MGST1: variants seen among roughly 807,000 people sequenced by gnomAD.
MGST1 encodes glutathione S-transferase 12.
MGST1 carries 5 observed loss-of-function variants against 8.9 expected under a neutral mutation model. The observed-to-expected ratio is 0.56, with a 90% CI of 0.29 to 1.19. The LOEUF (loss-of-function observed/expected upper bound fraction) is 1.19. Ranked by LOEUF, MGST1 falls within the 50% of genes most tolerant of loss-of-function variation. MGST1 has a pLI of 0.08. For synonymous variants in MGST1, 54 were observed against 67.8 expected, an observed-to-expected ratio of 0.80 and a Z score of 1.00; for missense variants, 182 against 187.4, an observed-to-expected ratio of 0.97 and a Z score of 0.17.
chr12:16,514,828 C>T (rs1941601503), intron 4 of MGST1, among the ~76,000 whole-genome samples: 1 of 152,196 alleles, frequency 6.6e-6, no homozygotes, highest in African/African-American at 2.4e-5. Context: ...CAGAAAAGAA[C>T]ATGTAGTGAC....
chr12:16,589,613 C>G (rs531656302), downstream of MGST1: 1 of 152,122 alleles, frequency 6.6e-6, no homozygotes, highest in Admixed American at 6.6e-5. This position sits in a 1 kb window ranked among gnomAD's most constrained non-coding sequence, Gnocchi z 4.2. Context: ...ATTATAAAGA[C>G]AGTGGTTTGT....
In MGST1 at chr12:16,503,773, C is replaced by T. The variant is rs768316832; in HGVS notation, n.483-85755C>T. Among the ~76,000 whole-genome samples, 28 of 152,252 alleles carry T rather than the reference C, an allele frequency of 1.8e-4. No homozygotes were observed. The highest frequency in any genetic ancestry group is 5.8e-4 in the African/African-American group (24 of 41,534). On this transcript the variant is annotated intron_variant and non_coding_transcript_variant, in intron 4 of 4. Coordinates refer to the MGST1 transcript ENST00000538857. This position sits in a 1 kb window ranked among gnomAD's most constrained non-coding sequence, Gnocchi z 4.8. ...ACCCCTTTCCATGACAATGACCCAA[C>T]GACCTGGAAGTTACCACCCTTTTTC...
intron 4 of MGST1, among the ~76,000 whole-genome samples, chr12:16,489,984 T>C (rs1941428340): frequency 6.6e-6 from 1 of 152,112 alleles, no homozygotes; most frequent in Non-Finnish European, 1.5e-5. Context: ...AACTTTAGGC[T>C]GGGTGTGGTG....
chr12:16,372,458 C>T (rs1262563980), intron 3 of MGST1, among the ~76,000 whole-genome samples: 8 of 151,978 alleles, frequency 5.3e-5, no homozygotes, highest in Non-Finnish European at 7.4e-5. Context: ...CAGGAAAATA[C>T]AAATCAAAAC....
In MGST1 at chr12:16,560,327, G is replaced by A. The variant is rs1942354749; in HGVS notation, n.483-29201G>A. Reference sequence around the variant, plus strand: ...AACGCTGAGATTGATTGCTTTAAATGTATGAATATAATTTCCACCTATTAA... The same window carrying A: ...AACGCTGAGATTGATTGCTTTAAATATATGAATATAATTTCCACCTATTAA... On this transcript the variant is annotated intron_variant and non_coding_transcript_variant, in intron 4 of 4. Coordinates refer to the MGST1 transcript ENST00000538857. This position sits in a 1 kb window ranked among gnomAD's most constrained non-coding sequence, Gnocchi z 5.0. The A allele has an allele frequency of 6.4e-6, 9 of 1,398,276 alleles. No individual in the cohort carries two copies. Among genetic ancestry groups the A allele is most frequent in the South Asian group, 4.2e-5 (3 of 71,378 alleles). 86.6% of individuals were successfully genotyped at this position (1,398,276 alleles called of 1,614,324 possible).
downstream of MGST1, among the ~76,000 whole-genome samples, chr12:16,378,875 T>C (rs1940420829): frequency 6.6e-6 from 1 of 152,024 alleles, no homozygotes; most frequent in African/African-American, 2.4e-5. Flanking sequence ...CCCTTGTAAG[T>C]TGGATTCCTA....
At chr12:16,563,219 A>C (rs1192905070) in intron 4 of MGST1, among the ~76,000 whole-genome samples, 1 of 152,104 alleles carries the variant, frequency 6.6e-6, no homozygotes. Context: ...AATCTGATCT[A>C]ATTTACTGCA....
Position 16,513,539 on chromosome 12 carries a change from G to T in MGST1, n.483-75989G>T. The T allele has an allele frequency of 2.1e-6, 1 of 487,118 alleles. No individual in the cohort carries two copies. The highest frequency in any genetic ancestry group is 4.2e-6 in the Non-Finnish European group (1 of 237,382). The allele number at this position is 487,118 out of a possible 1,614,324, so 30.2% of individuals were successfully genotyped here. A position where few individuals can be genotyped will look rare whatever the true frequency, so the allele number is the denominator to read the frequency against. ...GATCCCATCCTTGGAGTCACCGAAGGCTTTAAGAGGGACACCAATAGCAAA... is the reference window on the plus strand; with the variant it reads ...GATCCCATCCTTGGAGTCACCGAAGTCTTTAAGAGGGACACCAATAGCAAA... On this transcript the variant is annotated intron_variant and non_coding_transcript_variant, in intron 4 of 4. Coordinates refer to the MGST1 transcript ENST00000538857. The surrounding 1 kb of genome is among the most constrained non-coding windows in gnomAD (Gnocchi z 4.2).
At chr12:16,538,041 C>T (rs1941765882) in intron 4 of MGST1, among the ~76,000 whole-genome samples, 1 of 152,194 alleles carries the variant, frequency 6.6e-6, no homozygotes, top group African/African-American at 2.4e-5. Context: ...AACTTTTATG[C>T]TCTTTTTCCC....
chr12:16,527,673 T>G (rs116162531), intron 4 of MGST1, among the ~76,000 whole-genome samples: 3 of 151,988 alleles, frequency 2.0e-5, no homozygotes, highest in Non-Finnish European at 2.9e-5. Context: ...TCTATTAGGT[T>G]GCTAAGACTA....
chr12:16,359,394 A>C (rs1264887565), intron 3 of MGST1, among the ~76,000 whole-genome samples: 1 of 152,198 alleles, frequency 6.6e-6, no homozygotes, highest in East Asian at 1.9e-4. Context: ...CTCTTCTAAG[A>C]AGAAGTCTGT....
intron 1 of MGST1, among the ~76,000 whole-genome samples, chr12:16,386,600 C>G (rs1050527807): frequency 8.5e-5 from 13 of 152,180 alleles, no homozygotes; most frequent in African/African-American, 3.1e-4. Context: ...ATAGTTTTTA[C>G]TTCTGATCTT....
chr12:16,374,079 C>T (rs1940341869), intron 3 of MGST1, among the ~76,000 whole-genome samples: 1 of 152,040 alleles, frequency 6.6e-6, no homozygotes, highest in Non-Finnish European at 1.5e-5. Flanking sequence ...TATCATGATA[C>T]ATCCAGTGTA....
At chr12:16,355,121 C>G (rs1010183728) in intron 2 of MGST1, among the ~76,000 whole-genome samples, 13 of 151,500 alleles carry the variant, frequency 8.6e-5, no homozygotes, top group Non-Finnish European at 1.8e-4. Context: ...CTGTTTCTCT[C>G]TTAGGACCTG....
At chr12:16,376,334 G>A (rs1003397389) in exon 4 of MGST1, 1 of 469,924 alleles carries the variant, frequency 2.1e-6, no homozygotes, top group Non-Finnish European at 3.8e-6. Context: ...TCGGAAATTA[G>A]CTATTACTGC....
chr12:16,462,121 C>T (rs1941225572), intron 4 of MGST1, among the ~76,000 whole-genome samples: 1 of 152,058 alleles, frequency 6.6e-6, no homozygotes, highest in African/African-American at 2.4e-5. Context: ...CCCATCTCAC[C>T]TTAGATACTA....
At chr12:16,542,833 C>G (rs1392021514) in intron 4 of MGST1, among the ~76,000 whole-genome samples, 2 of 152,160 alleles carry the variant, frequency 1.3e-5, no homozygotes, top group African/African-American at 4.8e-5. Flanking sequence ...TGATGGCTTT[C>G]TCTCTGTCAG....
At chr12:16,570,929 GAAT>G in intron 4 of MGST1, among the ~76,000 whole-genome samples, 1 of 152,070 alleles carries the variant, frequency 6.6e-6, no homozygotes, top group Non-Finnish European at 1.5e-5. Flanking sequence ...CTGTGTAGGA[GAAT>G]AATGTCAACC....
At position 16,458,621 on chromosome 12, in the gene MGST1, G is replaced by A. The variant is rs1416279315; in HGVS notation, n.482+75017G>A. Among the ~76,000 whole-genome samples the A allele has an allele frequency of 2.6e-5, 4 of 152,002 alleles. No individual in the cohort carries two copies. Among genetic ancestry groups the A allele is most frequent in the Admixed American group, 1.3e-4 (2 of 15,236 alleles). ...TTGCTTTAATATGTGTAATAAGCTT[G>A]TATGAAAATGAAATTATATATTATA... On this transcript the variant is annotated intron_variant and non_coding_transcript_variant, in intron 4 of 4. Coordinates refer to the MGST1 transcript ENST00000538857. The surrounding 1 kb of genome is among the most constrained non-coding windows in gnomAD (Gnocchi z 4.0).
Sources: allele counts gnomAD v4.1 joint callset (sites outside exome capture counted in the v4.1 genomes callset), GRCh38; gene constraint gnomAD v4.1.1; non-coding constraint Gnocchi (gnomAD v3.1); transcripts MANE v1.5; gene names NCBI Gene and HGNC (gene_info 2026-07-23, HGNC 2026-07-21).